The following SEZ6 variants were observed in gnomAD, a reference collection of about 807,000 sequenced individuals.
SEZ6 encodes seizure related 6 homolog.
In SEZ6, 53 loss-of-function variants were observed where a neutral mutation model predicts 101.0. The ratio of observed to expected loss-of-function variants is 0.52; its 90% CI spans 0.42 to 0.66. The LOEUF (loss-of-function observed/expected upper bound fraction) is 0.66, where lower values mean the gene tolerates loss of function less well. Ranked by LOEUF, SEZ6 falls within the 30% of genes least tolerant of loss-of-function variation. The pLI is 0.00. For synonymous variants in SEZ6, 488 were observed against 512.2 expected (o/e 0.95, Z 0.64); for missense variants, 1,102 against 1,289.4 (o/e 0.85, Z 2.23).
In SEZ6 at chr17:28,981,583, A is replaced by C. The variant is rs758334565; in HGVS notation, c.512T>G (p.Ile171Arg). ...TCTGCTGGGGGGTGTAGTGCTGGCT[A>C]TCTCCCCTGGGCCTAGGGTGGGCAC... Reference protein sequence around the residue: ...MAVPTLGPGEIASTTPPSRAW... With the variant: ...MAVPTLGPGERASTTPPSRAW... The change falls in exon 2 of 17, where the codon ATA becomes AGA. Residue 171 changes from isoleucine (I) to arginine (R), a missense_variant. Ile to Arg is a moderately conservative substitution (Grantham distance 97). Coordinates refer to ENST00000317338, the MANE Select transcript of SEZ6 (RefSeq NM_178860.5). 3 of 1,610,178 alleles carry C rather than the reference A, an allele frequency of 1.9e-6. No homozygotes were observed. The highest frequency in any genetic ancestry group is 4.5e-5 in the East Asian group (2 of 44,790).
At chr17:28,977,064 G>C (rs58195589) in intron 3 of SEZ6, among the ~76,000 whole-genome samples, 2 of 152,328 alleles carry the variant, frequency 1.3e-5, no homozygotes, top group African/African-American at 4.8e-5. Flanking sequence ...ATGTTTGCTT[G>C]TGGAACAAAT....
At chr17:28,969,974 A>G in intron 3 of SEZ6, 22 bp from the exon 4 acceptor site, 3 of 1,515,750 alleles carry the variant, frequency 2.0e-6, no homozygotes, top group Non-Finnish European at 2.6e-6. Context: ...GTAGAGAGAG[A>G]AAAGCAAAGT....
At chr17:28,974,709 C>A (rs1275828926) in intron 3 of SEZ6, among the ~76,000 whole-genome samples, 2 of 152,190 alleles carry the variant, frequency 1.3e-5, no homozygotes, top group East Asian at 3.9e-4. Flanking sequence ...TGCCTGGCAA[C>A]CCCAGGCCCT....
At position 28,960,845 on chromosome 17, in the gene SEZ6, G is replaced by A. The variant is rs2040966252; in HGVS notation, c.1369C>T (p.Leu457=). 6.2e-7 allele frequency: 1 copy of A among 1,613,980 alleles called. No homozygotes were observed. ...GCCAGGGAAACCTTCTCAAAGTGCAGGTGTAGCCGCTGGCCCTCAGGAGCC... is the reference window on the plus strand; with the variant it reads ...GCCAGGGAAACCTTCTCAAAGTGCAAGTGTAGCCGCTGGCCCTCAGGAGCC... ...LEAPEGQRLH[L]HFEKVSLAED... is the part of the protein sequence containing the mutation. Residue 457 remains leucine (L), a synonymous_variant, in exon 6 of 17, where the codon CTG becomes TTG. Coordinates refer to ENST00000317338, the MANE Select transcript of SEZ6 (RefSeq NM_178860.5).
At chr17:28,961,059 A>G (rs1753380851) in intron 5 of SEZ6, 86 bp from the exon 6 acceptor site, 2 of 1,501,718 alleles carry the variant, frequency 1.3e-6, no homozygotes, top group African/African-American at 1.4e-5. Context: ...CCAGCCCTAT[A>G]TCCTCTGCTT....
chr17:28,997,805 G>A (rs538251917), intron 1 of SEZ6, among the ~76,000 whole-genome samples: 109 of 152,292 alleles, frequency 7.2e-4, no homozygotes, highest in African/African-American at 2.6e-3. Flanking sequence ...GGCTTGGGGT[G>A]TGACACAACT....
chr17:28,995,364 G>A (rs188018389), intron 1 of SEZ6, among the ~76,000 whole-genome samples: 4 of 152,192 alleles, frequency 2.6e-5, no homozygotes, highest in African/African-American at 9.6e-5. Context: ...GGGTGCATTA[G>A]GTGAGGAATA....
intron 1 of SEZ6, among the ~76,000 whole-genome samples, chr17:28,992,000 C>A (rs2041467921): frequency 6.6e-6 from 1 of 152,178 alleles, no homozygotes; most frequent in Admixed American, 6.5e-5. Context: ...TGTTGGCTTG[C>A]CCCTGCCTCA....
chr17:28,968,728 C>T (rs2041107610), intron 4 of SEZ6, among the ~76,000 whole-genome samples: 3 of 152,328 alleles, frequency 2.0e-5, no homozygotes, highest in Middle Eastern at 3.4e-3. Flanking sequence ...AGTGCTGGCT[C>T]TTCTGCCCGG....
At chr17:28,976,899 G>A (rs1160870555) in intron 3 of SEZ6, among the ~76,000 whole-genome samples, 1 of 152,186 alleles carries the variant, frequency 6.6e-6, no homozygotes, top group Non-Finnish European at 1.5e-5. Flanking sequence ...TGACCCCCAG[G>A]CTGGTGGAGT....
intron 1 of SEZ6, among the ~76,000 whole-genome samples, chr17:28,994,272 CT>C (rs56755199): frequency 0.28 from 41,319 of 147,436 alleles, 5,769 homozygotes; most frequent in South Asian, 0.39. Context: ...TGGTTACTGA[CT>C]TTTTTTTTTT....
intron 10 of SEZ6, among the ~76,000 whole-genome samples, chr17:28,958,426 C>T (rs184821298): frequency 1.4e-3 from 214 of 152,276 alleles, no homozygotes; most frequent in Non-Finnish European, 2.2e-3. Flanking sequence ...TGAGGGAAAT[C>T]GTCACTTCTA....
chr17:28,995,352 G>A (rs551156322), intron 1 of SEZ6, among the ~76,000 whole-genome samples: 1 of 152,074 alleles, frequency 6.6e-6, no homozygotes, highest in Admixed American at 6.5e-5. Context: ...GTATGTGGGG[G>A]GGGGTGCATT....
intron 4 of SEZ6, among the ~76,000 whole-genome samples, chr17:28,968,178 G>T (rs929156624): frequency 6.6e-6 from 1 of 152,196 alleles, no homozygotes; most frequent in Non-Finnish European, 1.5e-5. Flanking sequence ...GGAGATTTGC[G>T]TGTGAGCACA....
chr17:28,958,524 T>C (rs1490862153), intron 10 of SEZ6, among the ~76,000 whole-genome samples: 1 of 152,118 alleles, frequency 6.6e-6, no homozygotes, highest in Non-Finnish European at 1.5e-5. Context: ...GTGCAGTGGC[T>C]CACACCTGTA....
chr17:28,999,995 T>A (rs992291057), intron 1 of SEZ6, among the ~76,000 whole-genome samples: 1 of 152,230 alleles, frequency 6.6e-6, no homozygotes, highest in African/African-American at 2.4e-5. Context: ...GAAGGGCTGT[T>A]TATGTCTTGG....
chr17:28,973,363 G>T (rs2041179802), intron 3 of SEZ6, among the ~76,000 whole-genome samples: 1 of 152,204 alleles, frequency 6.6e-6, no homozygotes, highest in Non-Finnish European at 1.5e-5. Context: ...AAGGAGGTGG[G>T]TCTTGGCTTG....
chr17:28,957,028 G>A lies in SEZ6; in HGVS notation c.2692+17C>T. ...CTATGGGCCAGGGAGGGTTTTGAGG[G>A]GTGACAGGGCACTCACCAGCCCTAC... On this transcript the variant is annotated intron_variant, in intron 13 of 16. Coordinates refer to ENST00000317338, the MANE Select transcript of SEZ6 (RefSeq NM_178860.5). 1.9e-6 allele frequency: 3 copies of A among 1,561,704 alleles called. No homozygotes were observed. Among genetic ancestry groups the A allele is most frequent in the Non-Finnish European group, 2.6e-6 (3 of 1,149,774 alleles).
At chr17:29,004,442 G>A (rs115328028) in intron 1 of SEZ6, among the ~76,000 whole-genome samples, 2,282 of 152,268 alleles carry the variant, frequency 0.015, 65 homozygotes, top group African/African-American at 0.052. Context: ...TCAAGTTCTG[G>A]GCGCTGCCGG....
Sources: gnomAD v4.1 joint callset for allele counts (sites outside exome capture counted in the v4.1 genomes callset) on GRCh38, gnomAD v4.1.1 for gene constraint, MANE v1.5 for transcripts, NCBI Gene and HGNC (gene_info 2026-07-23, HGNC 2026-07-21) for gene names.